The following ACSM3 variants were observed in gnomAD, a reference collection of about 807,000 sequenced individuals.
ACSM3 encodes acyl-coenzyme A synthetase ACSM3, mitochondrial.
A neutral mutation model predicts 74.1 loss-of-function variants in ACSM3; 61 were observed. The ratio of observed to expected loss-of-function variants is 0.82; its 90% confidence interval spans 0.67 to 1.02. The LOEUF (loss-of-function observed/expected upper bound fraction) is 1.02, where lower values mean the gene tolerates loss of function less well. Among genes scored for constraint, ACSM3 ranks in the 50% least tolerant of loss-of-function variants. The probability of loss-of-function intolerance (pLI) is 0.00; values close to 1 mark genes in which losing one functional copy is unlikely to be tolerated. For synonymous variants in ACSM3, 213 were observed against 241.5 expected, an observed-to-expected ratio of 0.88 and a Z score of 1.09; for missense variants, 660 against 697.0, an observed-to-expected ratio of 0.95 and a Z score of 0.60.
intron 1 of ACSM3, chr16:20,741,798 C>G (rs1435312687): frequency 1.9e-6 from 3 of 1,546,474 alleles, no homozygotes; most frequent in Admixed American, 3.9e-5. Flanking sequence ...GCGTCCTCGT[C>G]TATCGCCGGC....
At chr16:20,771,854 T>C (rs190410434) in intron 2 of ACSM3, among the ~76,000 whole-genome samples, 13 of 152,320 alleles carry the variant, frequency 8.5e-5, no homozygotes, top group African/African-American at 2.9e-4. Flanking sequence ...TTCTCACCAA[T>C]AGTGTTTCAG....
chr16:20,738,626 G>T (rs2079891234), intron 1 of ACSM3: 1 of 403,198 alleles, frequency 2.5e-6, no homozygotes, highest in East Asian at 4.3e-5. Context: ...AGTAGCAGCT[G>T]CCCCTTATTT....
At chr16:20,708,454 C>A (rs565185932) in intron 1 of ACSM3, among the ~76,000 whole-genome samples, 1 of 152,084 alleles carries the variant, frequency 6.6e-6, no homozygotes, top group South Asian at 2.1e-4. Context: ...ACAAAACCAA[C>A]GTACAAAAAT....
chr16:20,730,464 T>C (rs541961409), intron 1 of ACSM3, among the ~76,000 whole-genome samples: 1 of 152,244 alleles, frequency 6.6e-6, no homozygotes, highest in South Asian at 2.1e-4. Flanking sequence ...CTCATGGAAG[T>C]TTCCTACAGA....
intron 1 of ACSM3, chr16:20,741,655 G>A (rs921570463): frequency 3.2e-6 from 5 of 1,583,090 alleles, no homozygotes; most frequent in South Asian, 1.2e-5. Flanking sequence ...TCGCAGCGCC[G>A]AGCGCGCTTG....
At chr16:20,782,871 A>C (rs186482938) in intron 7 of ACSM3, among the ~76,000 whole-genome samples, 8 of 152,356 alleles carry the variant, frequency 5.3e-5, no homozygotes, top group Admixed American at 1.3e-4. Flanking sequence ...ATGAAGAGGT[A>C]CATAGGGTGA....
rs918581049 is a variant in ACSM3, at chr16:20,707,813, C to T, written c.-190+32991C>T. On this transcript the variant is annotated intron_variant, in intron 1 of 3. Transcript: ENST00000561584. Reference sequence around the variant, plus strand: ...TTTGCTCTTTCAAATGAAAAGGTTACTTGAATAACAAGAAATCAGACAAAC... The same window carrying T: ...TTTGCTCTTTCAAATGAAAAGGTTATTTGAATAACAAGAAATCAGACAAAC... 2.6e-5 allele frequency among the ~76,000 whole-genome samples: 4 copies of T among 152,084 alleles called. No individual in the cohort carries two copies. In the East Asian group the frequency reaches 5.8e-4, roughly 22 times the overall value.
intron 1 of ACSM3, among the ~76,000 whole-genome samples, chr16:20,722,805 A>C (rs937181440): frequency 1.3e-5 from 2 of 152,208 alleles, no homozygotes; most frequent in African/African-American, 4.8e-5. Context: ...CTGTAAGATT[A>C]ATATATATAC....
intron 1 of ACSM3, among the ~76,000 whole-genome samples, chr16:20,701,842 T>C (rs2079713648): frequency 6.6e-6 from 1 of 152,222 alleles, no homozygotes; most frequent in Admixed American, 6.5e-5. Flanking sequence ...GGCTTCCAGC[T>C]TCATCCATGT....
At chr16:20,677,258 C>T (rs2020344900) in intron 1 of ACSM3, among the ~76,000 whole-genome samples, 1 of 151,848 alleles carries the variant, frequency 6.6e-6, no homozygotes, top group African/African-American at 2.4e-5. Context: ...ACTCAGGCCC[C>T]AGCTTTAGGA....
chr16:20,783,762 A>G (rs746557971), intron 7 of ACSM3, among the ~76,000 whole-genome samples: 14 of 151,820 alleles, frequency 9.2e-5, no homozygotes, highest in Admixed American at 8.5e-4. Flanking sequence ...TTTCTTGTCT[A>G]TTCTCCCTGA....
intron 3 of ACSM3, among the ~76,000 whole-genome samples, chr16:20,756,743 T>C (rs2080034592): frequency 1.3e-5 from 2 of 152,258 alleles, no homozygotes; most frequent in African/African-American, 4.8e-5. Flanking sequence ...GCCTAGGTTT[T>C]CTTCTAGGGT....
At chr16:20,742,792 A>AATATATATATATATATATATAT (rs1216173827) in intron 1 of ACSM3, among the ~76,000 whole-genome samples, 1 of 136,414 alleles carries the variant, frequency 7.3e-6, no homozygotes, top group African/African-American at 2.7e-5. Context: ...GGTGCGTGTA[A>AATATATATATATATATATATAT]ATATATATAT....
At chr16:20,727,374 A>C in intron 1 of ACSM3, 1 of 586,592 alleles carries the variant, frequency 1.7e-6, no homozygotes, top group Admixed American at 2.0e-5. Context: ...GCACTGCTTG[A>C]CAGGAGGGGA....
intron 12 of ACSM3, among the ~76,000 whole-genome samples, chr16:20,793,674 A>G (rs1014329008): frequency 6.6e-6 from 1 of 152,182 alleles, no homozygotes; most frequent in Non-Finnish European, 1.5e-5. Flanking sequence ...AGTTGCTAGG[A>G]TGACAATCGC....
At chr16:20,734,210 T>C (rs577876334) in intron 1 of ACSM3, 2 of 152,786 alleles carry the variant, frequency 1.3e-5, no homozygotes, top group African/African-American at 4.8e-5. Flanking sequence ...TCCACAGAGT[T>C]GTATGCTCTG....
At chr16:20,680,581 T>C (rs2079421985) in intron 1 of ACSM3, 1 of 152,144 alleles carries the variant, frequency 6.6e-6, no homozygotes, top group Admixed American at 6.5e-5. Flanking sequence ...TGTTTGGTTG[T>C]TAAAAACCTC....
At chr16:20,731,297 G>C (rs1191710571) in intron 1 of ACSM3, among the ~76,000 whole-genome samples, 1 of 152,130 alleles carries the variant, frequency 6.6e-6, no homozygotes, top group Non-Finnish European at 1.5e-5. Context: ...GTATAGATTC[G>C]AAGGAGTAAG....
intron 1 of ACSM3, chr16:20,728,064 T>G: frequency 4.7e-6 from 1 of 214,550 alleles, no homozygotes; most frequent in East Asian, 1.3e-4. Context: ...GCTTAAATAC[T>G]GGGAAAATCA....
Sources: gnomAD v4.1 joint callset for allele counts (sites outside exome capture counted in the v4.1 genomes callset) on GRCh38, gnomAD v4.1.1 for gene constraint, MANE v1.5 for transcripts, NCBI Gene and HGNC (gene_info 2026-07-23, HGNC 2026-07-21) for gene names.